AGBL3: variants seen among roughly 807,000 people sequenced by gnomAD.
The protein encoded by AGBL3 is AGBL carboxypeptidase 3, also known as cytosolic carboxypeptidase 3.
Under a neutral mutation model 94.5 loss-of-function variants are expected in AGBL3, and 68 were observed. The observed-to-expected ratio is 0.72, with a 90% confidence interval of 0.59 to 0.88. The LOEUF is 0.88. AGBL3 is among the 40% of genes least tolerant of loss of function. The pLI, the probability that AGBL3 is intolerant of heterozygous loss-of-function variation, is 0.00. For missense variants in AGBL3, 934 were observed against 1,103.8 expected (o/e 0.85, Z 2.18); for synonymous variants, 354 against 370.7 (o/e 0.95, Z 0.52).
chr7:135,115,511 T>G lies in AGBL3; in HGVS notation c.2242T>G (p.Leu748Val), dbSNP rs1431217847. 2 of 1,551,366 alleles carry G rather than the reference T, an allele frequency of 1.3e-6. No homozygotes were observed. The highest frequency in any genetic ancestry group is 2.0e-5 in the Admixed American group (1 of 50,986). ...AGGAATAGTTCAAACTCAAGAAATA[T>G]TGCAGTATTTGCTCCCCATCGTGCA... Reference protein sequence around the residue: ...DKGIVQTQEILQYLLPIVHST... With the variant: ...DKGIVQTQEIVQYLLPIVHST... Residue 748 changes from leucine to valine, a missense_variant, in exon 16 of 17, where the codon TTG becomes GTG. Coordinates refer to ENST00000436302, the MANE Select transcript of AGBL3 (RefSeq NM_178563.4).
chr7:135,037,309 G>A, intron 7 of AGBL3, 109 bp from the exon 8 acceptor site: 5 of 883,366 alleles, frequency 5.7e-6, no homozygotes, highest in Non-Finnish European at 8.1e-6. Flanking sequence ...AGAAAGCTAG[G>A]ATATAAGAAA....
intron 12 of AGBL3, among the ~76,000 whole-genome samples, chr7:135,060,874 C>CT (rs1225724422): frequency 6.6e-6 from 1 of 152,104 alleles, no homozygotes; most frequent in Admixed American, 6.6e-5. Context: ...TGCAATATCT[C>CT]TTTGACATAC....
chr7:135,110,052 G>GCAA (rs1206185801), intron 15 of AGBL3, among the ~76,000 whole-genome samples: 10 of 151,980 alleles, frequency 6.6e-5, no homozygotes, highest in African/African-American at 2.4e-4. Context: ...TGCACCAAAG[G>GCAA]CAACAATGGC....
At chr7:135,104,092 A>T (rs1824275608) in intron 15 of AGBL3, among the ~76,000 whole-genome samples, 1 of 151,804 alleles carries the variant, frequency 6.6e-6, no homozygotes, top group Non-Finnish European at 1.5e-5. Flanking sequence ...AGTAGGCCCC[A>T]GTGTCTGTTG....
intron 15 of AGBL3, among the ~76,000 whole-genome samples, chr7:135,111,531 C>G (rs1825634843): frequency 6.6e-6 from 1 of 152,010 alleles, no homozygotes; most frequent in Non-Finnish European, 1.5e-5. Context: ...ATCCAGTTAT[C>G]TAAGTAATAA....
At chr7:135,127,135 T>C (rs547033644) in intron 16 of AGBL3, among the ~76,000 whole-genome samples, 2 of 152,144 alleles carry the variant, frequency 1.3e-5, no homozygotes, top group Non-Finnish European at 2.9e-5. Context: ...AAAGGTCTAA[T>C]ATCCAGAATT....
At chr7:135,079,179 G>A (rs923305348) in intron 13 of AGBL3, among the ~76,000 whole-genome samples, 1 of 152,152 alleles carries the variant, frequency 6.6e-6, no homozygotes, top group African/African-American at 2.4e-5. Flanking sequence ...AGAGATGGGA[G>A]CTAAAAATGA....
chr7:135,095,005 T>C (rs1822448176), intron 15 of AGBL3, among the ~76,000 whole-genome samples: 1 of 152,304 alleles, frequency 6.6e-6, no homozygotes, highest in African/African-American at 2.4e-5. Flanking sequence ...CTTGTTGGTC[T>C]CACAGTTCAT....
At chr7:135,090,119 G>A (rs757325012) in intron 15 of AGBL3, among the ~76,000 whole-genome samples, 2 of 152,144 alleles carry the variant, frequency 1.3e-5, no homozygotes, top group Non-Finnish European at 2.9e-5. Context: ...GGAACCTGAG[G>A]CAATAAGACT....
intron 8 of AGBL3, among the ~76,000 whole-genome samples, chr7:135,038,873 G>A (rs1816560908): frequency 1.3e-5 from 2 of 152,060 alleles, no homozygotes; most frequent in East Asian, 1.9e-4. Context: ...GCAGGAGAAT[G>A]GTGTGAACCC....
chr7:135,045,470 T>C lies in AGBL3; in HGVS notation c.1628-4T>C, dbSNP rs1361378358. 6.5e-7 allele frequency: 1 copy of C among 1,549,912 alleles called. No homozygotes were observed. The highest frequency in any genetic ancestry group is 1.4e-5 in the African/African-American group (1 of 72,972). The stretch of plus-strand genomic sequence containing the variant: ...AAGGGTGGATAAACTTATTGATGTT[T>C]TAGGTAACAAACGAGGCACTCATTT... On this transcript the variant is annotated splice_polypyrimidine_tract_variant and splice_region_variant and intron_variant, in intron 9 of 16. Transcript: ENST00000436302.
At chr7:134,995,728 C>G (rs1044600326) in intron 4 of AGBL3, among the ~76,000 whole-genome samples, 2 of 152,162 alleles carry the variant, frequency 1.3e-5, no homozygotes, top group African/African-American at 4.8e-5. Flanking sequence ...TCCCAAGATC[C>G]CCAGAGTCAT....
chr7:135,094,066 C>T lies in AGBL3; in HGVS notation c.2110+12276C>T, dbSNP rs529136855. 235 of 199,300 alleles carry T rather than the reference C, an allele frequency of 1.2e-3. 1 individual carries two copies. Among genetic ancestry groups the T allele is most frequent in the Non-Finnish European group, 1.7e-3 (168 of 96,936 alleles). 12.3% of individuals were successfully genotyped at this position (199,300 alleles called of 1,614,324 possible). On this transcript the variant is annotated intron_variant, in intron 15 of 16. Coordinates refer to ENST00000436302, the MANE Select transcript of AGBL3 (RefSeq NM_178563.4). Reference sequence around the variant, plus strand: ...CCACATGCAAAAGAATGAAGTTGGCCGTGTTCCTTATACCATACACTAAAA... The same window carrying T: ...CCACATGCAAAAGAATGAAGTTGGCTGTGTTCCTTATACCATACACTAAAA...
intron 5 of AGBL3, among the ~76,000 whole-genome samples, chr7:135,031,959 T>C (rs1218460252): frequency 6.6e-6 from 1 of 152,170 alleles, no homozygotes; most frequent in African/African-American, 2.4e-5. Flanking sequence ...AGGTTCTCTC[T>C]CTATGTAGCT....
chr7:134,989,279 T>C lies in AGBL3; in HGVS notation c.93T>C (p.Ser31=), dbSNP rs776700320. 15 of 1,548,278 alleles carry C rather than the reference T, an allele frequency of 9.7e-6. No homozygotes were observed. Among genetic ancestry groups the C allele is most frequent in the Admixed American group, 2.0e-5 (1 of 50,766 alleles). The change falls in exon 3 of 17, where the codon AGT becomes AGC. Residue 31 remains serine, a synonymous_variant. Coordinates refer to ENST00000436302, the MANE Select transcript of AGBL3 (RefSeq NM_178563.4). ...AGGATATGTTCATGAAATTTGTAAG[T>C]GAAGATCTTCATCGGTGTGCACTTT... is the stretch of plus-strand genomic sequence containing the variant. The part of the protein sequence containing the change: ...SDEDMFMKFV[S]EDLHRCALLT...
rs377450919 is a variant in AGBL3, at chr7:135,045,557, G to C, written c.1711G>C (p.Asp571His). 1 of 1,550,920 alleles carries C rather than the reference G, an allele frequency of 6.4e-7. No homozygotes were observed. The highest frequency in any genetic ancestry group is 8.7e-7 in the Non-Finnish European group (1 of 1,146,560). The stretch of plus-strand genomic sequence containing the variant: ...TTGTGATTCTCTCTTGGATTATTGT[G>C]ATCCCGACCGGACCAAGGTAAGCAA... ...HFCDSLLDYC[D>H]PDRTKYYRCL... Residue 571 changes from aspartate (D) to histidine (H), a missense_variant, in exon 10 of 17, where the codon GAT becomes CAT. Coordinates refer to ENST00000436302, the MANE Select transcript of AGBL3 (RefSeq NM_178563.4).
chr7:134,992,035 T>C (rs1202410558), intron 3 of AGBL3, among the ~76,000 whole-genome samples: 2 of 152,240 alleles, frequency 1.3e-5, no homozygotes, highest in Non-Finnish European at 2.9e-5. Context: ...ATCTAGAGTT[T>C]AGTTGGAATT....
chr7:135,077,044 C>G (rs1344840062), intron 13 of AGBL3, among the ~76,000 whole-genome samples: 3 of 152,152 alleles, frequency 2.0e-5, no homozygotes, highest in Non-Finnish European at 4.4e-5. Flanking sequence ...CTTCCTCTAC[C>G]CCCACCCGAC....
At chr7:135,117,504 C>T (rs897490531) in intron 16 of AGBL3, among the ~76,000 whole-genome samples, 2 of 152,194 alleles carry the variant, frequency 1.3e-5, no homozygotes, top group African/African-American at 4.8e-5. Context: ...AAAGTGTGAT[C>T]TTCTCATTCT....
Sources: gnomAD v4.1 joint callset for allele counts (sites outside exome capture counted in the v4.1 genomes callset) on GRCh38, gnomAD v4.1.1 for gene constraint, MANE v1.5 for transcripts, NCBI Gene and HGNC (gene_info 2026-07-23, HGNC 2026-07-21) for gene names.